CNTN5: variants seen among roughly 807,000 people sequenced by gnomAD.
The protein encoded by CNTN5 is contactin-5.
A neutral mutation model predicts 129.1 loss-of-function variants in CNTN5; 77 were observed. The ratio of observed to expected loss-of-function variants is 0.60; its 90% CI spans 0.50 to 0.72. The LOEUF is 0.72. Among genes scored for constraint, CNTN5 ranks in the 30% least tolerant of loss-of-function variants. CNTN5 has a pLI of 0.00. For synonymous variants in CNTN5, 509 were observed against 465.6 expected (o/e 1.09, Z -1.20); for missense variants, 1,478 against 1,328.8 (o/e 1.11, Z -1.75).
At chr11:99,130,166 G>A (rs114280127) in intron 1 of CNTN5, among the ~76,000 whole-genome samples, 2,332 of 152,086 alleles carry the variant, frequency 0.015, 67 homozygotes, top group African/African-American at 0.052. Flanking sequence ...TACAAAGAAC[G>A]GCAAGCTGGA....
intron 1 of CNTN5, among the ~76,000 whole-genome samples, chr11:99,288,361 T>A (rs1864030311): frequency 6.6e-6 from 1 of 151,960 alleles, no homozygotes; most frequent in South Asian, 2.1e-4. Flanking sequence ...AATGGTTCTC[T>A]GGTTTTGAAA....
chr11:100,005,820 GACAA>G (rs1268408223), intron 9 of CNTN5, among the ~76,000 whole-genome samples: 14 of 152,048 alleles, frequency 9.2e-5, no homozygotes, highest in African/African-American at 2.9e-4. Flanking sequence ...TGGTTTGAGG[GACAA>G]ACAAAGAAGA....
intron 3 of CNTN5, among the ~76,000 whole-genome samples, chr11:99,713,031 G>A (rs1955062933): frequency 6.6e-6 from 1 of 152,092 alleles, no homozygotes; most frequent in African/African-American, 2.4e-5. Flanking sequence ...AAAGTCAGCC[G>A]TAGTTTGATG....
intron 18 of CNTN5, among the ~76,000 whole-genome samples, chr11:100,275,179 C>CT (rs1477685072): frequency 1.3e-5 from 2 of 151,624 alleles, no homozygotes; most frequent in Non-Finnish European, 2.9e-5. Context: ...TGTGATTTGC[C>CT]TATTATAAGT....
intron 1 of CNTN5, among the ~76,000 whole-genome samples, chr11:99,087,469 G>A (rs1866049734): frequency 6.6e-6 from 1 of 152,182 alleles, no homozygotes; most frequent in Admixed American, 6.5e-5. Flanking sequence ...GTGATAAACA[G>A]TAATTGAGGA....
chr11:99,582,189 AG>A (rs1309472604), intron 3 of CNTN5, among the ~76,000 whole-genome samples: 2 of 152,174 alleles, frequency 1.3e-5, no homozygotes, highest in East Asian at 3.8e-4. Context: ...TTCTGCCGAG[AG>A]ATCAGCTGTT....
At position 99,625,783 on chromosome 11, in the gene CNTN5, A is replaced by T. The variant is rs577732204; in HGVS notation, c.55+69514A>T. On this transcript the variant is annotated intron_variant, in intron 3 of 24. Coordinates refer to ENST00000524871, the MANE Select transcript of CNTN5 (RefSeq NM_014361.4). ...ATCATATTCAATTAAAAAGATATTG[A>T]TTGAGAGAGTTTCATGAAAGATACT... Among the ~76,000 whole-genome samples, 9 of 151,148 alleles carry T rather than the reference A, an allele frequency of 6.0e-5. No homozygotes were observed. In the South Asian group the frequency reaches 1.5e-3, roughly 25 times the overall value.
At chr11:99,797,105 A>G (rs560366996) in intron 3 of CNTN5, among the ~76,000 whole-genome samples, 2 of 152,184 alleles carry the variant, frequency 1.3e-5, no homozygotes, top group East Asian at 1.9e-4. Context: ...GGCTACATCT[A>G]GTCAGCCATC....
intron 2 of CNTN5, among the ~76,000 whole-genome samples, chr11:99,545,654 C>T (rs563423095): frequency 6.6e-6 from 1 of 152,130 alleles, no homozygotes; most frequent in African/African-American, 2.4e-5. Context: ...CAAATTTATC[C>T]ATGTGAAATA....
At position 99,908,008 on chromosome 11, in the gene CNTN5, C is replaced by T. The variant is rs117481289; in HGVS notation, c.578-8046C>T. Among the ~76,000 whole-genome samples the T allele has an allele frequency of 6.4e-4, 98 of 152,172 alleles. 1 individual carries two copies. The East Asian group carries it at 0.018, about 28-fold the overall frequency. ...ATTACACGTTGAAAATTGTTCTGAA[C>T]TGACAGTCATAGGCTGTGAGTTAAA... On this transcript the variant is annotated intron_variant, in intron 6 of 24. Coordinates refer to ENST00000524871, the MANE Select transcript of CNTN5 (RefSeq NM_014361.4).
rs529251392 is a variant in CNTN5, at chr11:100,231,842, C to T, written c.2005+7030C>T. 4.6e-5 allele frequency among the ~76,000 whole-genome samples: 7 copies of T among 152,144 alleles called. No individual in the cohort carries two copies. In the South Asian group the frequency reaches 1.0e-3, roughly 23 times the overall value. On this transcript the variant is annotated intron_variant, in intron 16 of 24. Transcript: ENST00000524871. ...TTGAGCATTGTTCACATTTTAAAGT[C>T]GGGTGGGAATTAAATTAAAGAGCCT...
chr11:99,673,670 C>A (rs576443788), intron 3 of CNTN5, among the ~76,000 whole-genome samples: 59 of 152,196 alleles, frequency 3.9e-4, no homozygotes, highest in African/African-American at 1.4e-3. Context: ...TCATTTATCT[C>A]CCACTTATAA....
intron 14 of CNTN5, among the ~76,000 whole-genome samples, chr11:100,192,294 C>T (rs917364570): frequency 6.6e-6 from 1 of 151,948 alleles, no homozygotes; most frequent in African/African-American, 2.4e-5. Context: ...TTACTCAGAA[C>T]ACTCCAATCC....
rs371457402 is a variant in CNTN5, at chr11:99,183,019, A to G, written c.-209-142327A>G. Among the ~76,000 whole-genome samples the G allele has an allele frequency of 9.2e-5, 14 of 152,192 alleles. No homozygotes were observed. In the East Asian group the frequency reaches 2.7e-3, roughly 29 times the overall value. On this transcript the variant is annotated intron_variant, in intron 1 of 24. Transcript: ENST00000524871. ...TCTGTCATAGGACCTGTCACATAGA[A>G]GCCACTCAAATATTTTGTTGAATCA...
intron 2 of CNTN5, among the ~76,000 whole-genome samples, chr11:99,524,156 A>C (rs1201830866): frequency 1.3e-5 from 2 of 152,204 alleles, no homozygotes; most frequent in African/African-American, 4.8e-5. Context: ...ATGCCATAGC[A>C]ACAGGCAGAA....
At chr11:99,865,889 C>T (rs1355716570) in intron 6 of CNTN5, among the ~76,000 whole-genome samples, 2 of 152,060 alleles carry the variant, frequency 1.3e-5, no homozygotes, top group African/African-American at 4.8e-5. Context: ...AGACACTAGC[C>T]ATATGGATTC....
At chr11:99,690,856 C>G (rs1591485352) in intron 3 of CNTN5, among the ~76,000 whole-genome samples, 1 of 152,008 alleles carries the variant, frequency 6.6e-6, no homozygotes, top group Non-Finnish European at 1.5e-5. Context: ...TTTTGTACAT[C>G]TGGTACAATT....
intron 1 of CNTN5, among the ~76,000 whole-genome samples, chr11:99,042,911 C>T (rs1460521826): frequency 6.7e-6 from 1 of 148,590 alleles, no homozygotes; most frequent in Non-Finnish European, 1.5e-5. Flanking sequence ...TGCAATCCTT[C>T]TCATACATTT....
intron 2 of CNTN5, among the ~76,000 whole-genome samples, chr11:99,350,511 A>G (rs1216173607): frequency 6.6e-6 from 1 of 152,212 alleles, no homozygotes; most frequent in Non-Finnish European, 1.5e-5. Flanking sequence ...GTACGAGAAT[A>G]ACCAAAGAAA....
Sources: gnomAD v4.1 joint callset for allele counts (sites outside exome capture counted in the v4.1 genomes callset) on GRCh38, gnomAD v4.1.1 for gene constraint, MANE v1.5 for transcripts, NCBI Gene and HGNC (gene_info 2026-07-23, HGNC 2026-07-21) for gene names.